Variants in CALHM2 observed in about 807,000 individuals in gnomAD.
CALHM2 encodes the protein calcium homeostasis modulator protein 2.
In CALHM2, 18 loss-of-function variants were observed where a neutral mutation model predicts 20.4. The observed-to-expected ratio is 0.88, with a 90% CI of 0.61 to 1.31. The LOEUF is 1.31. CALHM2 is among the 50% of genes most tolerant of loss of function. The pLI is 0.00. For missense variants in CALHM2, 411 were observed against 435.7 expected (o/e 0.94, Z 0.50); for synonymous variants, 193 against 192.1 (o/e 1.00, Z -0.04).
intron 3 of CALHM2, 128 bp downstream of exon 3, chr10:103,449,259 C>T (rs750970419): frequency 2.5e-6 from 2 of 815,628 alleles, no homozygotes; most frequent in African/African-American, 1.7e-5. Flanking sequence ...GCCCTGATAC[C>T]TAACGCTAGT....
Position 103,450,116 on chromosome 10 carries a change from C to T in CALHM2, c.-158-17G>A, listed in dbSNP as rs775640796. Reference sequence around the variant, plus strand: ...TGGTGTTTCCTGTGGAGCAGATGACCGATAAGTGTTTCCCTCTGAAAACCA... The same window carrying T: ...TGGTGTTTCCTGTGGAGCAGATGACTGATAAGTGTTTCCCTCTGAAAACCA... On this transcript the variant is annotated splice_polypyrimidine_tract_variant and intron_variant, in intron 2 of 3. Transcript: ENST00000260743. 3.3e-5 allele frequency: 20 copies of T among 614,962 alleles called. No homozygotes were observed. The highest frequency in any genetic ancestry group is 3.8e-4 in the Middle Eastern group (1 of 2,604). 38.1% of individuals were successfully genotyped at this position (614,962 alleles called of 1,614,324 possible).
In CALHM2 at chr10:103,447,167, G is replaced by A. The variant is rs753591491; in HGVS notation, c.957C>T (p.Ala319=). ...AAGCACCTCCTTAGGAGGGGAGCAG[G>A]GCCATCTCCACGTTGTCAGGGGCCG... ...NGAAPDNVEM[A]LLPS is the part of the protein sequence containing the mutation. The change falls in exon 4 of 4, where the codon GCC becomes GCT. Residue 319 remains alanine, a synonymous_variant. Transcript: ENST00000260743. 14 of 1,608,906 alleles carry A rather than the reference G, an allele frequency of 8.7e-6. No individual in the cohort carries two copies. The highest frequency in any genetic ancestry group is 1.3e-5 in the African/African-American group (1 of 74,854).
At chr10:103,449,016 A>G (rs2032818587) in intron 3 of CALHM2, among the ~76,000 whole-genome samples, 1 of 152,164 alleles carries the variant, frequency 6.6e-6, no homozygotes, top group South Asian at 2.1e-4. Flanking sequence ...GAATGTGTTC[A>G]TCCCCAGAGC....
Position 103,447,302 on chromosome 10 carries a change from T to C in CALHM2, c.822A>G (p.Pro274=). 1 of 1,614,236 alleles carries C rather than the reference T, an allele frequency of 6.2e-7. No individual in the cohort carries two copies. The highest frequency in any genetic ancestry group is 8.5e-7 in the Non-Finnish European group (1 of 1,180,038). The change falls in exon 4 of 4, where the codon CCA becomes CCG. Residue 274 remains proline, a synonymous_variant. Transcript: ENST00000260743. ...CGGTGATGGCATTCCACTGTGGCCG[T>C]GGCTGCGTGCCTTCCACTGGGAAGT... The part of the protein sequence containing the change: ...IANFPVEGTQ[P]RPQWNAITGV...
In CALHM2 at chr10:103,449,431, C is replaced by CT. The variant is rs1482663145; in HGVS notation, c.510dup (p.Asp171ArgfsTer13). ...CTGCGGCTGACCTCCTCCCGGAAGT[C>CT]TGACAGGTTGTCAGGGTTCTCCTTG... On this transcript the variant is annotated frameshift_variant, in exon 3 of 4. Coordinates refer to ENST00000260743, the MANE Select transcript of CALHM2 (RefSeq NM_015916.5). LOFTEE classifies it high-confidence loss of function. The CT allele has an allele frequency of 3.1e-6, 5 of 1,613,130 alleles. No homozygotes were observed. The African/African-American group carries it at 6.7e-5, about 22-fold the overall frequency.
At chr10:103,447,606 A>T in intron 3 of CALHM2, 38 bp from the exon 4 acceptor site, 1 of 1,524,422 alleles carries the variant, frequency 6.6e-7, no homozygotes, top group South Asian at 1.3e-5. Flanking sequence ...AGGGGCGAGG[A>T]ACTGCCTAAG....
chr10:103,449,124 T>A (rs1251817937), intron 3 of CALHM2, among the ~76,000 whole-genome samples: 1 of 152,190 alleles, frequency 6.6e-6, no homozygotes, highest in African/African-American at 2.4e-5. Flanking sequence ...CAGAAGAATG[T>A]TCCTTTAATG....
chr10:103,447,263 G>A lies in CALHM2; in HGVS notation c.861C>T (p.Tyr287=), dbSNP rs1290153147. ...QWNAITGVYL[Y]RENQGLPLYS... ...AGAGTGGGAGGCCCTGGTTCTCACG[G>A]TACAAGTAGACGCCGGTGATGGCAT... Residue 287 remains tyrosine, a synonymous_variant, in exon 4 of 4, where the codon TAC becomes TAT. Transcript: ENST00000260743. 6.2e-7 allele frequency: 1 copy of A among 1,614,128 alleles called. No individual in the cohort carries two copies. The highest frequency in any genetic ancestry group is 2.2e-5 in the East Asian group (1 of 44,902).
rs1319726345 is a variant in CALHM2 at position 103,449,633 on chromosome 10, TAGA to T, written c.306_308del (p.Leu103del). ...CAGCCGCACGTCCCAGGATGGAGCT[TAGA>T]AGGAGGAAGGTGGGGGCGGCGGAGC... On this transcript the variant is annotated inframe_deletion, in exon 3 of 4. Transcript: ENST00000260743. The T allele has an allele frequency of 5.6e-6, 9 of 1,613,582 alleles. No individual in the cohort carries two copies. The Middle Eastern group carries it at 4.9e-4, about 88-fold the overall frequency.
At chr10:103,448,848 G>A (rs924004116) in intron 3 of CALHM2, among the ~76,000 whole-genome samples, 3 of 152,120 alleles carry the variant, frequency 2.0e-5, no homozygotes, top group Middle Eastern at 3.4e-3. Flanking sequence ...CTTGCCCTCT[G>A]TCCCTTGACC....
intron 3 of CALHM2, 155 bp downstream of exon 3, chr10:103,449,232 C>T (rs1365976421): frequency 1.4e-6 from 1 of 726,610 alleles, no homozygotes; most frequent in African/African-American, 1.7e-5. Flanking sequence ...CTTGCCCCAC[C>T]ATGCACCAGT....
At chr10:103,448,079 C>G (rs1592149430) in intron 3 of CALHM2, among the ~76,000 whole-genome samples, 3 of 152,296 alleles carry the variant, frequency 2.0e-5, no homozygotes, top group African/African-American at 7.2e-5. Context: ...ATTTCTTTGT[C>G]TACCATCTTC....
rs772145632 is a variant in CALHM2 at position 103,450,047 on chromosome 10, G to T, written c.-106C>A. 3 of 1,017,050 alleles carry T rather than the reference G, an allele frequency of 2.9e-6. No individual in the cohort carries two copies. The South Asian group carries it at 4.4e-5, about 15-fold the overall frequency. The allele number at this position is 1,017,050 out of a possible 1,614,324, so 63.0% of individuals were successfully genotyped here. On this transcript the variant is annotated 5_prime_UTR_variant, in exon 3 of 4. Coordinates refer to ENST00000260743, the MANE Select transcript of CALHM2 (RefSeq NM_015916.5). The stretch of plus-strand genomic sequence containing the variant: ...GGGCACAGGCTGGGAGGCGCTGGAC[G>T]GCAGGGTGTGGTTGTGCTATTTTAT...
In CALHM2 at chr10:103,449,653, C is replaced by T. The variant is rs1411850668; in HGVS notation, c.289G>A (p.Ala97Thr). 15 of 1,613,728 alleles carry T rather than the reference C, an allele frequency of 9.3e-6. No homozygotes were observed. The highest frequency in any genetic ancestry group is 1.3e-5 in the African/African-American group (1 of 74,944). ...GAGCTTAGAAGGAGGAAGGTGGGGG[C>T]GGCGGAGCAGTTCTTGGTCCTCCGG... is the stretch of plus-strand genomic sequence containing the variant. ...QHRRTKNCSA[A>T]PTFLLLSSIL... The change falls in exon 3 of 4, where the codon GCC becomes ACC. Residue 97 changes from alanine to threonine, a missense_variant. By Grantham distance (58) the Ala-to-Thr change is moderately conservative. Coordinates refer to ENST00000260743, the MANE Select transcript of CALHM2 (RefSeq NM_015916.5).
intron 3 of CALHM2, among the ~76,000 whole-genome samples, chr10:103,447,951 G>T (rs1294783398): frequency 6.6e-6 from 1 of 152,260 alleles, no homozygotes; most frequent in South Asian, 2.1e-4. Context: ...TTGTTTGGAG[G>T]TCACACATGT....
intron 2 of CALHM2, 40 bp from the exon 3 acceptor site, chr10:103,450,139 C>T (rs1347326100): frequency 6.7e-6 from 4 of 599,416 alleles, no homozygotes; most frequent in Non-Finnish European, 1.2e-5. Context: ...CCTCTGAAAA[C>T]CAGGAGTTGA....
At position 103,449,655 on chromosome 10, in the gene CALHM2, GC is replaced by G. The variant is rs1425932784; in HGVS notation, c.286del (p.Ala96ProfsTer8). The part of the protein sequence containing the change: ...CQHRRTKNCS[A>X]APTFLLLSSI... Reference sequence around the variant, plus strand: ...GCTTAGAAGGAGGAAGGTGGGGGCGGCGGAGCAGTTCTTGGTCCTCCGGTGC... The same window carrying G: ...GCTTAGAAGGAGGAAGGTGGGGGCGGGGAGCAGTTCTTGGTCCTCCGGTGC... On this transcript the variant is annotated frameshift_variant, in exon 3 of 4. Transcript: ENST00000260743. LOFTEE classifies it high-confidence loss of function. 6.2e-7 allele frequency: 1 copy of G among 1,613,858 alleles called. No individual in the cohort carries two copies.
chr10:103,449,685 C>T lies in CALHM2; in HGVS notation c.257G>A (p.Cys86Tyr). 6.2e-7 allele frequency: 1 copy of T among 1,613,796 alleles called. No individual in the cohort carries two copies. Among genetic ancestry groups the T allele is most frequent in the Non-Finnish European group, 8.5e-7 (1 of 1,180,044 alleles). ...GCAGTTCTTGGTCCTCCGGTGCTGG[C>T]ACTCGGCCACGAGGTTCCAGGTGTG... Reference protein sequence around the residue: ...NNHTWNLVAECQHRRTKNCSA... With the variant: ...NNHTWNLVAEYQHRRTKNCSA... Residue 86 changes from cysteine to tyrosine, a missense_variant, in exon 3 of 4, where the codon TGC becomes TAC. Coordinates refer to ENST00000260743, the MANE Select transcript of CALHM2 (RefSeq NM_015916.5).
rs146478600 is a variant in CALHM2, at chr10:103,447,632, C to T, written c.556-64G>A. The T allele has an allele frequency of 4.0e-4, 554 of 1,397,058 alleles. 3 individuals are homozygous for T. In the African/African-American group the frequency reaches 4.1e-3, roughly 10 times the overall value. 86.5% of individuals were successfully genotyped at this position (1,397,058 alleles called of 1,614,324 possible). On this transcript the variant is annotated intron_variant, in intron 3 of 3. Coordinates refer to ENST00000260743, the MANE Select transcript of CALHM2 (RefSeq NM_015916.5). ...ACTGCCTAAGCCCTACCCCCCAGAGCGAATGGAAAAGGAGCAAGTTCTGCT... is the reference window on the plus strand; with the variant it reads ...ACTGCCTAAGCCCTACCCCCCAGAGTGAATGGAAAAGGAGCAAGTTCTGCT...
Sources: allele counts gnomAD v4.1 joint callset (sites outside exome capture counted in the v4.1 genomes callset), GRCh38; gene constraint gnomAD v4.1.1; transcripts MANE v1.5; gene names NCBI Gene and HGNC (gene_info 2026-07-23, HGNC 2026-07-21).